THSD7B: variants seen among roughly 807,000 people sequenced by gnomAD.
THSD7B encodes thrombospondin type-1 domain-containing protein 7B.
THSD7B carries 138 observed loss-of-function variants against 213.6 expected under a neutral mutation model. That is an observed-to-expected ratio of 0.65 (90% confidence interval 0.56 to 0.74). The LOEUF is 0.74. THSD7B is among the 30% of genes least tolerant of loss of function. The pLI is 0.00. For missense variants in THSD7B, 1,931 were observed against 1,991.5 expected, an observed-to-expected ratio of 0.97 and a Z score of 0.58; for synonymous variants, 742 against 687.0, an observed-to-expected ratio of 1.08 and a Z score of -1.25.
intron 12 of THSD7B, among the ~76,000 whole-genome samples, chr2:137,347,571 T>C (rs1215309438): frequency 6.6e-6 from 1 of 150,894 alleles, no homozygotes; most frequent in African/African-American, 2.4e-5. Context: ...TTTTTTTTTT[T>C]TTTTAAATAA....
At chr2:137,391,150 C>T (rs187054253) in intron 12 of THSD7B, among the ~76,000 whole-genome samples, 113 of 152,102 alleles carry the variant, frequency 7.4e-4, no homozygotes, top group African/African-American at 2.6e-3. Context: ...TCTTATTGGT[C>T]GGTTCAGGAT....
At chr2:137,072,777 C>T (rs2104893798) in intron 3 of THSD7B, among the ~76,000 whole-genome samples, 1 of 152,242 alleles carries the variant, frequency 6.6e-6, no homozygotes, top group Non-Finnish European at 1.5e-5. Flanking sequence ...AGATATGCCC[C>T]ATCAATACCT....
intron 2 of THSD7B, among the ~76,000 whole-genome samples, chr2:136,973,276 G>A (rs1199328032): frequency 1.3e-5 from 2 of 151,980 alleles, no homozygotes; most frequent in Non-Finnish European, 2.9e-5. Context: ...AGCTGACCTC[G>A]CTTTCCTTTC....
chr2:136,953,045 T>C (rs1474653317), intron 2 of THSD7B, among the ~76,000 whole-genome samples: 1 of 152,184 alleles, frequency 6.6e-6, no homozygotes, highest in Non-Finnish European at 1.5e-5. Flanking sequence ...GGTAAAAATA[T>C]GTGAAATTAT....
At chr2:137,284,448 T>A (rs142864330) in intron 12 of THSD7B, among the ~76,000 whole-genome samples, 24,956 of 151,980 alleles carry the variant, frequency 0.16, 2,511 homozygotes, top group East Asian at 0.48. Flanking sequence ...CTAGCTTTTG[T>A]ATATGTTCGC....
At chr2:137,508,274 T>C (rs1679880638) in intron 15 of THSD7B, among the ~76,000 whole-genome samples, 1 of 152,152 alleles carries the variant, frequency 6.6e-6, no homozygotes, top group Admixed American at 6.5e-5. Flanking sequence ...TAAACAGGGC[T>C]CTGTTGCCCA....
intron 1 of THSD7B, among the ~76,000 whole-genome samples, chr2:136,784,280 A>G (rs1472586468): frequency 2.0e-5 from 3 of 152,246 alleles, no homozygotes; most frequent in African/African-American, 7.2e-5. Context: ...TTTACAAATA[A>G]CAATTTTGAG....
intron 2 of THSD7B, among the ~76,000 whole-genome samples, chr2:137,021,485 A>G (rs1022258741): frequency 6.6e-6 from 1 of 152,212 alleles, no homozygotes; most frequent in Non-Finnish European, 1.5e-5. Context: ...TGATTCAGTT[A>G]CTGAAAAACT....
rs1375365 is a variant in THSD7B, at chr2:137,476,760, G to A, written c.3138+25737G>A. Reference sequence around the variant, plus strand: ...TTACCATGTTGGCCAGGCTGATTTCGAACTGCTGACCTCAGGTGATCCACC... The same window carrying A: ...TTACCATGTTGGCCAGGCTGATTTCAAACTGCTGACCTCAGGTGATCCACC... On this transcript the variant is annotated intron_variant, in intron 15 of 27. Transcript: ENST00000409968. 6.8e-3 allele frequency among the ~76,000 whole-genome samples: 1,027 copies of A among 152,090 alleles called. 10 individuals carry two copies. Among genetic ancestry groups the A allele is most frequent in the Non-Finnish European group, 0.012 (813 of 67,992 alleles).
At chr2:137,339,532 A>G (rs919668505) in intron 12 of THSD7B, among the ~76,000 whole-genome samples, 1 of 151,914 alleles carries the variant, frequency 6.6e-6, no homozygotes, top group African/African-American at 2.4e-5. Flanking sequence ...TTCAAAACAC[A>G]AATGCACATC....
At chr2:137,105,764 C>G (rs1688235954) in intron 4 of THSD7B, among the ~76,000 whole-genome samples, 1 of 149,620 alleles carries the variant, frequency 6.7e-6, no homozygotes, top group African/African-American at 2.4e-5. Context: ...CAATAATAAA[C>G]AGCCAAATCA....
chr2:137,022,763 G>A (rs1268245195), intron 2 of THSD7B, among the ~76,000 whole-genome samples: 2 of 152,000 alleles, frequency 1.3e-5, no homozygotes, highest in Non-Finnish European at 2.9e-5. Context: ...GGAGAGCCTT[G>A]TTTTATTTAG....
At chr2:137,238,830 G>A (rs964115073) in intron 9 of THSD7B, among the ~76,000 whole-genome samples, 1 of 151,500 alleles carries the variant, frequency 6.6e-6, no homozygotes, top group Non-Finnish European at 1.5e-5. Flanking sequence ...TGGGATTACA[G>A]GCGTGAGCCA....
At chr2:137,474,430 T>C (rs1688155251) in intron 15 of THSD7B, among the ~76,000 whole-genome samples, 2 of 152,296 alleles carry the variant, frequency 1.3e-5, no homozygotes, top group South Asian at 4.1e-4. Context: ...GCACTTTCTA[T>C]CCCCAGCGTC....
intron 15 of THSD7B, among the ~76,000 whole-genome samples, chr2:137,483,016 A>G (rs1688341645): frequency 6.6e-6 from 1 of 151,914 alleles, no homozygotes; most frequent in Non-Finnish European, 1.5e-5. Context: ...GATAGAAGTC[A>G]TGACCAAAAG....
chr2:136,896,629 G>A (rs572669028), intron 2 of THSD7B, among the ~76,000 whole-genome samples: 1 of 152,168 alleles, frequency 6.6e-6, no homozygotes, highest in Admixed American at 6.5e-5. Flanking sequence ...CCTGTTCAGA[G>A]TCTCAAGATT....
In THSD7B at chr2:137,056,835, C is replaced by T. The variant is rs1687175016; in HGVS notation, c.555C>T (p.Phe185=). The change falls in exon 3 of 28, where the codon TTC becomes TTT. Residue 185 remains phenylalanine, a synonymous_variant. Transcript: ENST00000409968. ...CCCGGGATTGTGTAGTATCTGAGTT[C>T]TTACCATGGTCCAACTGTAGCAAGG... ...PCPRDCVVSE[F]LPWSNCSKGC... 2.5e-6 allele frequency: 4 copies of T among 1,613,858 alleles called. No individual in the cohort carries two copies. Among genetic ancestry groups the T allele is most frequent in the Admixed American group, 1.7e-5 (1 of 59,996 alleles).
chr2:137,280,635 A>T (rs1294777007), intron 12 of THSD7B, among the ~76,000 whole-genome samples: 3 of 152,104 alleles, frequency 2.0e-5, no homozygotes, highest in Admixed American at 6.6e-5. Context: ...TCATTGTCCT[A>T]GTTGTCTCAT....
chr2:137,498,815 G>A (rs1357574876), intron 15 of THSD7B, among the ~76,000 whole-genome samples: 1 of 152,146 alleles, frequency 6.6e-6, no homozygotes, highest in Admixed American at 6.6e-5. Context: ...AACCCTGAGA[G>A]AGCAGAGGCC....
Sources: allele counts gnomAD v4.1 joint callset (sites outside exome capture counted in the v4.1 genomes callset), GRCh38; gene constraint gnomAD v4.1.1; transcripts MANE v1.5; gene names NCBI Gene and HGNC (gene_info 2026-07-23, HGNC 2026-07-21).